The following TES variants were observed in gnomAD, a reference collection of about 807,000 sequenced individuals.
TES encodes the protein testin LIM domain protein, also known as testin.
A neutral mutation model predicts 48.2 loss-of-function variants in TES; 41 were observed. The ratio of observed to expected loss-of-function variants is 0.85; its 90% CI spans 0.66 to 1.10. The LOEUF is 1.10. Ranked by LOEUF, TES falls within the 50% of genes least tolerant of loss-of-function variation. The probability of loss-of-function intolerance (pLI) is 0.00; values close to 1 mark genes in which losing one functional copy is unlikely to be tolerated. For synonymous variants in TES, 162 were observed against 174.9 expected, an observed-to-expected ratio of 0.93 and a Z score of 0.58; for missense variants, 463 against 515.1, an observed-to-expected ratio of 0.90 and a Z score of 0.98.
intron 1 of TES, among the ~76,000 whole-genome samples, chr7:116,224,726 C>CCAGG (rs1186014649): frequency 6.6e-6 from 1 of 152,020 alleles, no homozygotes; most frequent in Non-Finnish European, 1.5e-5. Context: ...ATAATAAGTC[C>CCAGG]CAGGTTTTGC....
intron 2 of TES, among the ~76,000 whole-genome samples, chr7:116,235,663 A>AAGTT (rs1455815270): frequency 6.6e-6 from 1 of 152,194 alleles, no homozygotes; most frequent in Non-Finnish European, 1.5e-5. Flanking sequence ...AGTCTGCTCA[A>AAGTT]AGTTAGAATT....
At chr7:116,234,910 GTTTGTGGTAA>G (rs1431926692) in intron 2 of TES, among the ~76,000 whole-genome samples, 1 of 152,266 alleles carries the variant, frequency 6.6e-6, no homozygotes, top group East Asian at 1.9e-4. Context: ...TGGTAAATAA[GTTTGTGGTAA>G]TCCTCCAGGA....
chr7:116,235,098 G>A lies in TES; in HGVS notation c.113+479G>A, dbSNP rs116188974. Reference sequence around the variant, plus strand: ...AGCTGAGATTACAGGCTTGTGCCACGACACCTGGCTAATTTTTCTTTTTTG... The same window carrying A: ...AGCTGAGATTACAGGCTTGTGCCACAACACCTGGCTAATTTTTCTTTTTTG... On this transcript the variant is annotated intron_variant, in intron 2 of 6. Coordinates refer to ENST00000358204, the MANE Select transcript of TES (RefSeq NM_015641.4). 7.1e-3 allele frequency among the ~76,000 whole-genome samples: 1,079 copies of A among 152,084 alleles called. 17 individuals carry two copies. The highest frequency in any genetic ancestry group is 0.025 in the African/African-American group (1,040 of 41,480).
chr7:116,247,259 T>A (rs555799962), intron 2 of TES, among the ~76,000 whole-genome samples: 2 of 152,102 alleles, frequency 1.3e-5, no homozygotes, highest in African/African-American at 4.8e-5. Flanking sequence ...TTATAATCTT[T>A]GATGGGAAAA....
chr7:116,211,688 G>A (rs1799440988), intron 1 of TES, among the ~76,000 whole-genome samples: 1 of 152,146 alleles, frequency 6.6e-6, no homozygotes, highest in African/African-American at 2.4e-5. Flanking sequence ...AGAGAGGAAG[G>A]GAAAAATACA....
chr7:116,252,219 G>T, intron 5 of TES, 99 bp from the exon 6 acceptor site: 1 of 1,310,764 alleles, frequency 7.6e-7, no homozygotes, highest in Non-Finnish European at 1.0e-6. Context: ...CAAGCTTTAG[G>T]TTATCATTTT....
intron 1 of TES, 100 bp downstream of exon 1, chr7:116,210,834 C>A (rs1799427876): frequency 2.8e-6 from 3 of 1,082,314 alleles, no homozygotes; most frequent in Non-Finnish European, 3.5e-6. Context: ...TCGCGGGCCC[C>A]CCGGTGTGAG....
chr7:116,216,626 A>G (rs1322516116), intron 1 of TES, among the ~76,000 whole-genome samples: 1 of 151,774 alleles, frequency 6.6e-6, no homozygotes, highest in Non-Finnish European at 1.5e-5. Flanking sequence ...AGGAGATGGC[A>G]TAGTTTAAAT....
At chr7:116,215,436 G>A (rs1799483034) in intron 1 of TES, among the ~76,000 whole-genome samples, 1 of 152,150 alleles carries the variant, frequency 6.6e-6, no homozygotes, top group Non-Finnish European at 1.5e-5. Flanking sequence ...CATGTTGTAT[G>A]TATTCCCTTT....
At chr7:116,245,655 C>A (rs1315940844) in intron 2 of TES, among the ~76,000 whole-genome samples, 1 of 152,186 alleles carries the variant, frequency 6.6e-6, no homozygotes, top group African/African-American at 2.4e-5. Flanking sequence ...TCCAAAATCA[C>A]TTCCACATTT....
intron 2 of TES, among the ~76,000 whole-genome samples, chr7:116,240,862 G>A (rs994731171): frequency 1.3e-5 from 2 of 152,018 alleles, no homozygotes; most frequent in Non-Finnish European, 2.9e-5. Context: ...AAATAAACAA[G>A]CTGTTTAAAT....
chr7:116,232,031 C>G (rs923708739), intron 1 of TES, among the ~76,000 whole-genome samples: 5 of 152,174 alleles, frequency 3.3e-5, no homozygotes, highest in African/African-American at 1.2e-4. Flanking sequence ...CAGTAGCGAG[C>G]TACTCCAAAG....
intron 1 of TES, among the ~76,000 whole-genome samples, chr7:116,221,869 G>A (rs552726974): frequency 6.6e-6 from 1 of 152,280 alleles, no homozygotes; most frequent in East Asian, 1.9e-4. Flanking sequence ...GGTGGTATAT[G>A]CATATTTTGA....
At chr7:116,247,659 C>T (rs756330674) in intron 2 of TES, among the ~76,000 whole-genome samples, 1 of 152,082 alleles carries the variant, frequency 6.6e-6, no homozygotes, top group African/African-American at 2.4e-5. Context: ...TGCAGATGCA[C>T]GTTTGGTTGA....
At chr7:116,247,255 TC>T (rs1418350285) in intron 2 of TES, among the ~76,000 whole-genome samples, 2 of 151,976 alleles carry the variant, frequency 1.3e-5, no homozygotes, top group African/African-American at 4.8e-5. Context: ...AGGATTATAA[TC>T]TTTGATGGGA....
At chr7:116,237,466 C>T (rs1799786058) in intron 2 of TES, among the ~76,000 whole-genome samples, 1 of 152,092 alleles carries the variant, frequency 6.6e-6, no homozygotes, top group African/African-American at 2.4e-5. Flanking sequence ...GCTTGCTTTT[C>T]CAGCCTCTTC....
intron 1 of TES, among the ~76,000 whole-genome samples, chr7:116,224,156 G>A (rs56205494): frequency 0.12 from 18,302 of 152,194 alleles, 1,107 homozygotes; most frequent in South Asian, 0.19. Flanking sequence ...AATCTTAGAA[G>A]TGGGTCTCTC....
chr7:116,219,740 C>A (rs1186445487), intron 1 of TES, among the ~76,000 whole-genome samples: 1 of 152,098 alleles, frequency 6.6e-6, no homozygotes, highest in African/African-American at 2.4e-5. Context: ...CAGTCTACCA[C>A]GTGTGCTATA....
At chr7:116,253,027 T>G (rs1167032696) in intron 6 of TES, among the ~76,000 whole-genome samples, 1 of 152,238 alleles carries the variant, frequency 6.6e-6, no homozygotes, top group Non-Finnish European at 1.5e-5. Context: ...TTCTTGCATT[T>G]ACTCTGCTTA....
Sources: allele counts gnomAD v4.1 joint callset (sites outside exome capture counted in the v4.1 genomes callset), GRCh38; gene constraint gnomAD v4.1.1; transcripts MANE v1.5; gene names NCBI Gene and HGNC (gene_info 2026-07-23, HGNC 2026-07-21).